The following KNL1 variants were observed in gnomAD, a reference collection of about 807,000 sequenced individuals.
KNL1 encodes the protein kinetochore scaffold 1, also known as outer kinetochore KNL1 complex subunit KNL1.
A neutral mutation model predicts 201.3 loss-of-function variants in KNL1; 66 were observed. The ratio of observed to expected loss-of-function variants is 0.33; its 90% confidence interval spans 0.27 to 0.40. KNL1 has a LOEUF of 0.40. Among genes scored for constraint, KNL1 ranks in the 10% least tolerant of loss-of-function variants. The pLI is 1.00. For missense variants in KNL1, 2,815 were observed against 2,690.5 expected, an observed-to-expected ratio of 1.05 and a Z score of -1.02; for synonymous variants, 895 against 899.2, an observed-to-expected ratio of 1.00 and a Z score of 0.08.
chr15:40,656,255 A>C (rs998829267), intron 22 of KNL1, among the ~76,000 whole-genome samples: 5 of 151,464 alleles, frequency 3.3e-5, no homozygotes, highest in Non-Finnish European at 7.4e-5. Context: ...ACATAGTGAA[A>C]CCCTGTCTCT....
intron 13 of KNL1, among the ~76,000 whole-genome samples, chr15:40,632,379 C>T (rs950396141): frequency 2.6e-5 from 4 of 152,050 alleles, no homozygotes; most frequent in Non-Finnish European, 5.9e-5. Flanking sequence ...GAGGCAGAGG[C>T]AGGAGGATTG....
At chr15:40,655,915 CAA>C (rs201727545) in intron 22 of KNL1, among the ~76,000 whole-genome samples, 12 of 65,160 alleles carry the variant, frequency 1.8e-4, no homozygotes, top group Admixed American at 5.1e-4. Flanking sequence ...GACTCCGTCT[CAA>C]AAAAAAAAAA....
intron 21 of KNL1, among the ~76,000 whole-genome samples, chr15:40,653,262 C>T (rs1893626346): frequency 6.6e-6 from 1 of 152,160 alleles, no homozygotes; most frequent in Non-Finnish European, 1.5e-5. Context: ...AATCTCTGCT[C>T]ACTGCAACCT....
At chr15:40,628,771 ATTTT>A in intron 12 of KNL1, 93 bp downstream of exon 12, 1 of 709,136 alleles carries the variant, frequency 1.4e-6, no homozygotes, top group Non-Finnish European at 2.3e-6. Context: ...GGTTTAAAAA[ATTTT>A]TTTTAATTAC....
intron 25 of KNL1, among the ~76,000 whole-genome samples, chr15:40,659,928 T>TGTGTGTG (rs1216923081): frequency 9.9e-5 from 4 of 40,216 alleles, no homozygotes; most frequent in African/African-American, 2.4e-4. Flanking sequence ...GTGTGTGTGT[T>TGTGTGTG]TGAGATGGAG....
At chr15:40,661,490 T>TG (rs1491098752) in intron 25 of KNL1, among the ~76,000 whole-genome samples, 1 of 151,972 alleles carries the variant, frequency 6.6e-6, no homozygotes, top group Non-Finnish European at 1.5e-5. Flanking sequence ...AGCAAGACTC[T>TG]GGGGGTGGGG....
At chr15:40,631,209 C>G (rs1175399079) in intron 13 of KNL1, among the ~76,000 whole-genome samples, 1 of 152,024 alleles carries the variant, frequency 6.6e-6, no homozygotes, top group Non-Finnish European at 1.5e-5. Flanking sequence ...ATCCCCTCTT[C>G]CTGGTCCTTG....
At chr15:40,630,512 G>A (rs1448420283) in intron 13 of KNL1, among the ~76,000 whole-genome samples, 4 of 152,178 alleles carry the variant, frequency 2.6e-5, no homozygotes, top group Non-Finnish European at 5.9e-5. Flanking sequence ...GAATGGTGGT[G>A]GAGTGAGCAA....
chr15:40,640,384 T>A (rs1893190719), intron 13 of KNL1, among the ~76,000 whole-genome samples: 1 of 152,242 alleles, frequency 6.6e-6, no homozygotes, highest in Admixed American at 6.5e-5. Context: ...TGATCCACTG[T>A]GCCCGGCCCT....
chr15:40,658,104 A>G (rs1474161741), intron 24 of KNL1, among the ~76,000 whole-genome samples: 2 of 152,024 alleles, frequency 1.3e-5, no homozygotes, highest in Admixed American at 6.6e-5. Context: ...CGTCTCTACT[A>G]AAAATACAAA....
Position 40,646,974 on chromosome 15 carries a change from C to A in KNL1, c.6007-13C>A, listed in dbSNP as rs755367049. On this transcript the variant is annotated splice_polypyrimidine_tract_variant and intron_variant, in intron 16 of 25. Coordinates refer to ENST00000399668, the MANE Select transcript of KNL1 (RefSeq NM_144508.5). ...GAGGTTTAACTTGACAGTCTATAATCTTTTGTATTTAGAATGAGAGGGAGA... is the reference window on the plus strand; with the variant it reads ...GAGGTTTAACTTGACAGTCTATAATATTTTGTATTTAGAATGAGAGGGAGA... The A allele has an allele frequency of 3.6e-6, 4 of 1,124,230 alleles. No individual in the cohort carries two copies. The highest frequency in any genetic ancestry group is 1.6e-5 in the African/African-American group (1 of 64,418). The allele number at this position is 1,124,230 out of a possible 1,614,324, so 69.6% of individuals were successfully genotyped here.
At chr15:40,617,590 C>G (rs1351325772) in intron 8 of KNL1, among the ~76,000 whole-genome samples, 1 of 152,168 alleles carries the variant, frequency 6.6e-6, no homozygotes, top group Non-Finnish European at 1.5e-5. Context: ...TTAAATGGAA[C>G]CCTCTCTGGC....
At chr15:40,601,818 A>G (rs1333142000) in intron 1 of KNL1, among the ~76,000 whole-genome samples, 1 of 108,856 alleles carries the variant, frequency 9.2e-6, no homozygotes, top group Non-Finnish European at 1.8e-5. Context: ...ACAGAGCCAG[A>G]CTCCGTCTCA....
Position 40,608,879 on chromosome 15 carries a change from T to C in KNL1, c.168T>C (p.Ser56=), listed in dbSNP as rs1316120742. 2.5e-6 allele frequency: 4 copies of C among 1,611,428 alleles called. No individual in the cohort carries two copies. Among genetic ancestry groups the C allele is most frequent in the Non-Finnish European group, 3.4e-6 (4 of 1,178,346 alleles). ...ATGCTTTGAGAAATAAGAAAAACTC[T>C]CGTCGAGTCAGCTTTGCAGATACTA... ...ESNALRNKKN[S]RRVSFADTIK... The change falls in exon 5 of 26, where the codon TCT becomes TCC. Residue 56 remains serine, a synonymous_variant. Coordinates refer to ENST00000399668, the MANE Select transcript of KNL1 (RefSeq NM_144508.5).
At position 40,662,844 on chromosome 15, in the gene KNL1, C is replaced by T; in HGVS notation, c.*656C>T. Reference sequence around the variant, plus strand: ...TCATGGTGGCTTGCGCCTGTGGTCCCAGCTACTTAGGAGCTTAAGGCAGGA... The same window carrying T: ...TCATGGTGGCTTGCGCCTGTGGTCCTAGCTACTTAGGAGCTTAAGGCAGGA... On this transcript the variant is annotated 3_prime_UTR_variant, in exon 26 of 26. Transcript: ENST00000399668. The T allele has an allele frequency of 5.7e-6, 1 of 175,198 alleles. No individual in the cohort carries two copies. Among genetic ancestry groups the T allele is most frequent in the South Asian group, 2.0e-4 (1 of 5,016 alleles). The allele number at this position is 175,198 out of a possible 1,614,324, so 10.9% of individuals were successfully genotyped here. A position where few individuals can be genotyped will look rare whatever the true frequency, so the allele number is the denominator to read the frequency against.
intron 8 of KNL1, among the ~76,000 whole-genome samples, chr15:40,617,812 C>G (rs2141715780): frequency 6.6e-6 from 1 of 152,086 alleles, no homozygotes; most frequent in South Asian, 2.1e-4. Flanking sequence ...ACTACCATCT[C>G]TGAGAGTCCA....
In KNL1 at chr15:40,605,115, A is replaced by G; in HGVS notation, c.41A>G (p.Asn14Ser). 2 of 1,471,516 alleles carry G rather than the reference A, an allele frequency of 1.4e-6. No homozygotes were observed. The highest frequency in any genetic ancestry group is 1.9e-6 in the Non-Finnish European group (2 of 1,052,106). The allele number at this position is 1,471,516 out of a possible 1,614,324, so 91.2% of individuals were successfully genotyped here. The change falls in exon 3 of 26, where the codon AAT (asparagine) becomes AGT (serine). Residue 14 changes from asparagine (N) to serine (S), a missense_variant. Coordinates refer to ENST00000399668, the MANE Select transcript of KNL1 (RefSeq NM_144508.5). ...VSSEANEEND[N>S]IERPVRRRHS... is the part of the protein sequence containing the mutation. ...ATTTTGTTTTCCTTTTTCAGTGACA[A>G]TATAGAGAGACCTGTTAGAAGACGG...
intron 13 of KNL1, among the ~76,000 whole-genome samples, chr15:40,634,719 A>G (rs145492368): frequency 6.6e-6 from 1 of 152,186 alleles, no homozygotes; most frequent in Non-Finnish European, 1.5e-5. Context: ...AAGTAGAAAG[A>G]GTATTAGGAG....
At chr15:40,603,734 G>T (rs908675952) in intron 2 of KNL1, among the ~76,000 whole-genome samples, 1 of 152,234 alleles carries the variant, frequency 6.6e-6, no homozygotes, top group East Asian at 1.9e-4. Context: ...GTGGCATAGC[G>T]TAAAGCAGCA....
Sources: allele counts gnomAD v4.1 joint callset (sites outside exome capture counted in the v4.1 genomes callset), GRCh38; gene constraint gnomAD v4.1.1; transcripts MANE v1.5; gene names NCBI Gene and HGNC (gene_info 2026-07-23, HGNC 2026-07-21).